Variants in RELCH observed in about 807,000 individuals in gnomAD.
The protein encoded by RELCH is RAB11-binding protein RELCH.
RELCH carries 41 observed loss-of-function variants against 150.3 expected under a neutral mutation model. That is an observed-to-expected ratio of 0.27 (90% confidence interval 0.21 to 0.35). RELCH has a LOEUF of 0.35. Among genes scored for constraint, RELCH ranks in the 10% least tolerant of loss-of-function variants. The probability of loss-of-function intolerance (pLI) is 1.00; values close to 1 mark genes in which losing one functional copy is unlikely to be tolerated. For missense variants in RELCH, 1,092 were observed against 1,467.8 expected, an observed-to-expected ratio of 0.74 and a Z score of 4.18; for synonymous variants, 478 against 531.8, an observed-to-expected ratio of 0.90 and a Z score of 1.39.
rs2045906023 is a variant in RELCH at position 62,307,212 on chromosome 18, T to C, written c.*1678T>C. The C allele has an allele frequency of 6.6e-6, 1 of 152,094 alleles. No homozygotes were observed. The highest frequency in any genetic ancestry group is 2.4e-5 in the African/African-American group (1 of 41,446). The allele number at this position is 152,094 out of a possible 1,614,324, so 9.4% of individuals were successfully genotyped here. ...TGAGAAAAGCCTATATTCATGAGAA[T>C]ATACTAATATTTTGTAAATATAATT... On this transcript the variant is annotated 3_prime_UTR_variant, in exon 29 of 29. Transcript: ENST00000644646.
chr18:62,190,736 G>C (rs972494790), intron 1 of RELCH, among the ~76,000 whole-genome samples: 2 of 152,070 alleles, frequency 1.3e-5, no homozygotes, highest in Non-Finnish European at 2.9e-5. Context: ...AACATTTTGG[G>C]CCTGGTAATG....
At chr18:62,214,893 C>T (rs879117095) in intron 2 of RELCH, among the ~76,000 whole-genome samples, 24 of 152,182 alleles carry the variant, frequency 1.6e-4, no homozygotes, top group African/African-American at 5.3e-4. Flanking sequence ...TACTCTACCC[C>T]CCTAGAACTC....
At chr18:62,211,734 G>A (rs542027297) in intron 2 of RELCH, among the ~76,000 whole-genome samples, 10 of 151,142 alleles carry the variant, frequency 6.6e-5, no homozygotes, top group Non-Finnish European at 1.3e-4. Context: ...GACCAGCTTG[G>A]GCAACATAAT....
At chr18:62,288,544 T>C (rs1369471853) in intron 26 of RELCH, among the ~76,000 whole-genome samples, 1 of 152,112 alleles carries the variant, frequency 6.6e-6, no homozygotes, top group African/African-American at 2.4e-5. Context: ...TCTTTGGAAA[T>C]ACTAAAACTG....
chr18:62,233,315 T>C (rs1195524695), intron 10 of RELCH, among the ~76,000 whole-genome samples: 3 of 151,850 alleles, frequency 2.0e-5, no homozygotes, highest in Non-Finnish European at 4.4e-5. Flanking sequence ...TGTAACTTTC[T>C]ATTGTTATCT....
intron 13 of RELCH, among the ~76,000 whole-genome samples, chr18:62,256,543 A>T (rs191348777): frequency 2.6e-4 from 40 of 152,166 alleles, no homozygotes; most frequent in African/African-American, 9.6e-4. Context: ...AGGCTGTTCT[A>T]CTCTGATCCT....
chr18:62,229,851 T>C (rs770793030), intron 8 of RELCH, among the ~76,000 whole-genome samples: 18 of 151,968 alleles, frequency 1.2e-4, no homozygotes, highest in Non-Finnish European at 2.4e-4. Flanking sequence ...AAGCAAATAA[T>C]GCTAGTGAAA....
chr18:62,291,983 T>G (rs1225648366), intron 27 of RELCH, among the ~76,000 whole-genome samples: 1 of 152,202 alleles, frequency 6.6e-6, no homozygotes, highest in African/African-American at 2.4e-5. Context: ...CATAACTATT[T>G]TATTTCATTC....
intron 21 of RELCH, 110 bp downstream of exon 21, chr18:62,274,196 T>C (rs2044068149): frequency 1.5e-6 from 1 of 676,560 alleles, no homozygotes; most frequent in Non-Finnish European, 2.5e-6. Context: ...CCAATTCTCT[T>C]GGTTTTGAAA....
At chr18:62,222,382 A>G (rs1438024308) in intron 5 of RELCH, among the ~76,000 whole-genome samples, 1 of 151,952 alleles carries the variant, frequency 6.6e-6, no homozygotes. Flanking sequence ...ATGCTATACT[A>G]TGGTTATAGT....
intron 1 of RELCH, among the ~76,000 whole-genome samples, chr18:62,204,532 A>G (rs2039659357): frequency 1.3e-5 from 2 of 151,984 alleles, no homozygotes; most frequent in African/African-American, 4.8e-5. Flanking sequence ...ATGTCTCACT[A>G]CGTTTCCCAG....
intron 1 of RELCH, among the ~76,000 whole-genome samples, chr18:62,191,529 A>G (rs1340597948): frequency 6.6e-6 from 1 of 152,086 alleles, no homozygotes; most frequent in Non-Finnish European, 1.5e-5. Flanking sequence ...CCCATCACCT[A>G]GGTATTATGC....
intron 1 of RELCH, among the ~76,000 whole-genome samples, chr18:62,210,347 T>A (rs576597866): frequency 6.6e-6 from 1 of 152,324 alleles, no homozygotes; most frequent in Admixed American, 6.5e-5. Context: ...ACCTTTTTTA[T>A]TGTTCCACAT....
rs2045924378 is a variant in RELCH, at chr18:62,307,988, A to T, written c.*2454A>T. 2 of 152,170 alleles carry T rather than the reference A, an allele frequency of 1.3e-5. No homozygotes were observed. Among genetic ancestry groups the T allele is most frequent in the African/African-American group, 4.8e-5 (2 of 41,444 alleles). 9.4% of individuals were successfully genotyped at this position (152,170 alleles called of 1,614,324 possible). A position where few individuals can be genotyped will look rare whatever the true frequency, so the allele number is the denominator to read the frequency against. ...TTGCTAAACATCAAATTGATTTTCA[A>T]CCTGAACGAAATTGTGAGTAATTTA... On this transcript the variant is annotated 3_prime_UTR_variant, in exon 29 of 29. Transcript: ENST00000644646.
At position 62,210,643 on chromosome 18, in the gene RELCH, A is replaced by G. The variant is rs531556953; in HGVS notation, c.527-510A>G. Among the ~76,000 whole-genome samples the G allele has an allele frequency of 6.6e-5, 10 of 152,366 alleles. No homozygotes were observed. In the East Asian group the frequency reaches 7.7e-4, roughly 12 times the overall value. On this transcript the variant is annotated intron_variant, in intron 1 of 28. Transcript: ENST00000644646. ...ACTGAGCATAGTTATACTAGCTATA[A>G]TAAAATCTTAGTCTACTGATTTTAC...
rs535219272 is a variant in RELCH, at chr18:62,308,527, C to T, written c.*2993C>T. On this transcript the variant is annotated 3_prime_UTR_variant, in exon 29 of 29. Coordinates refer to ENST00000644646, the MANE Select transcript of RELCH (RefSeq NM_001346231.2). ...TTGAGGTCAGTAGTTCAAGACCAGC[C>T]TGGCCAACGTGGTGAAACCCCGCCT... 6.6e-6 allele frequency: 1 copy of T among 152,244 alleles called. No homozygotes were observed. The highest frequency in any genetic ancestry group is 2.4e-5 in the African/African-American group (1 of 41,520). 9.4% of individuals were successfully genotyped at this position (152,244 alleles called of 1,614,324 possible). A position where few individuals can be genotyped will look rare whatever the true frequency, so the allele number is the denominator to read the frequency against.
intron 1 of RELCH, among the ~76,000 whole-genome samples, chr18:62,202,205 A>G (rs2039498734): frequency 6.6e-6 from 1 of 152,208 alleles, no homozygotes; most frequent in Non-Finnish European, 1.5e-5. Flanking sequence ...AGAATATGGT[A>G]GATTCTTAAT....
At chr18:62,236,869 T>G (rs939370975) in intron 10 of RELCH, among the ~76,000 whole-genome samples, 1 of 151,812 alleles carries the variant, frequency 6.6e-6, no homozygotes, top group Admixed American at 6.6e-5. Context: ...TAGTTTGATC[T>G]TTCTGTAGTT....
In RELCH at chr18:62,187,934, C is replaced by T; in HGVS notation, c.429C>T (p.Thr143=). Residue 143 remains threonine, a synonymous_variant, in exon 1 of 29, where the codon ACC becomes ACT. Transcript: ENST00000644646. ...NPGNFERQSG[T]PPGMGAPGVP... ...GCAACTTCGAGAGGCAAAGTGGAACCCCGCCGGGGATGGGGGCGCCAGGGG... is the reference window on the plus strand; with the variant it reads ...GCAACTTCGAGAGGCAAAGTGGAACTCCGCCGGGGATGGGGGCGCCAGGGG... 6.3e-7 allele frequency: 1 copy of T among 1,597,106 alleles called. No individual in the cohort carries two copies. Among genetic ancestry groups the T allele is most frequent in the South Asian group, 1.1e-5 (1 of 88,594 alleles).
Sources: gnomAD v4.1 joint callset for allele counts (sites outside exome capture counted in the v4.1 genomes callset) on GRCh38, gnomAD v4.1.1 for gene constraint, MANE v1.5 for transcripts, NCBI Gene and HGNC (gene_info 2026-07-23, HGNC 2026-07-21) for gene names.